SYT15B: variants seen among roughly 807,000 people sequenced by gnomAD.
The protein encoded by SYT15B is synaptotagmin-15.
chr10:47,748,566 A>G, the SYT15B span, among the ~76,000 whole-genome samples: 1 of 152,164 alleles, frequency 6.6e-6, no homozygotes. Flanking sequence ...AAAACATTAA[A>G]AGCAGCTAGA....
At chr10:47,762,250 G>A in the SYT15B span, among the ~76,000 whole-genome samples, 1 of 152,044 alleles carries the variant, frequency 6.6e-6, no homozygotes, top group Admixed American at 6.6e-5. Flanking sequence ...AGGCCCCATT[G>A]CTGCTGGCCC....
At chr10:47,755,260 CTTT>C in the SYT15B span, among the ~76,000 whole-genome samples, 1 of 140,184 alleles carries the variant, frequency 7.1e-6, no homozygotes, top group Non-Finnish European at 1.6e-5. Flanking sequence ...CAGCCAACCT[CTTT>C]TTTTTTTTTT....
chr10:47,755,632 T>TC, the SYT15B span, among the ~76,000 whole-genome samples: 2 of 126,658 alleles, frequency 1.6e-5, no homozygotes, highest in African/African-American at 6.0e-5. Context: ...CACCTCAACC[T>TC]CCCAAGTAGC....
At chr10:47,748,417 T>C in the SYT15B span, among the ~76,000 whole-genome samples, 1 of 151,656 alleles carries the variant, frequency 6.6e-6, no homozygotes, top group Admixed American at 6.6e-5. Context: ...TTCACCATGT[T>C]GGCCAGGTTG....
chr10:47,762,221 T>C, the SYT15B span, among the ~76,000 whole-genome samples: 1 of 151,790 alleles, frequency 6.6e-6, no homozygotes, highest in East Asian at 1.9e-4. Flanking sequence ...GTGGACGAGG[T>C]GGGGAGGAAG....
chr10:47,756,964 T>C, the SYT15B span, among the ~76,000 whole-genome samples: 1 of 134,668 alleles, frequency 7.4e-6, no homozygotes, highest in African/African-American at 2.8e-5. Context: ...GGGCCTGGTA[T>C]TGCGGCTGGG....
the SYT15B span, chr10:47,751,024 TAA>T: frequency 8.9e-5 from 13 of 146,596 alleles, no homozygotes; most frequent in Non-Finnish European, 1.6e-4. Flanking sequence ...TATTTGTAAT[TAA>T]AAAAATCTTT....
At chr10:47,749,673 G>GC in the SYT15B span, among the ~76,000 whole-genome samples, 1 of 118,318 alleles carries the variant, frequency 8.5e-6, no homozygotes, top group Admixed American at 1.2e-4. Context: ...ACCAATGGTA[G>GC]GGGGGGAAAC....
At chr10:47,755,279 G>A in the SYT15B span, among the ~76,000 whole-genome samples, 4 of 146,232 alleles carry the variant, frequency 2.7e-5, no homozygotes, top group Non-Finnish European at 4.5e-5. Context: ...TTTTTGAGAC[G>A]AAGTCTCGCT....
At chr10:47,749,502 C>T in the SYT15B span, among the ~76,000 whole-genome samples, 2 of 139,478 alleles carry the variant, frequency 1.4e-5, no homozygotes, top group East Asian at 4.6e-4. Flanking sequence ...AATATACATG[C>T]AAGAGTAGAA....
chr10:47,748,122 C>T, the SYT15B span, among the ~76,000 whole-genome samples: 2 of 151,856 alleles, frequency 1.3e-5, no homozygotes, highest in African/African-American at 4.8e-5. Flanking sequence ...TAAATATAGG[C>T]TGAGAACTTT....
chr10:47,749,671 TA>T, the SYT15B span, among the ~76,000 whole-genome samples: 5,321 of 146,604 alleles, frequency 0.036, 68 homozygotes, highest in African/African-American at 0.047. Context: ...AAACCAATGG[TA>T]GGGGGGGAAA....
At chr10:47,745,285 T>C in the SYT15B span, among the ~76,000 whole-genome samples, 1 of 146,050 alleles carries the variant, frequency 6.8e-6, no homozygotes, top group African/African-American at 2.5e-5. Context: ...AGAGTGGGGT[T>C]AGCACACGGT....
the SYT15B span, among the ~76,000 whole-genome samples, chr10:47,748,178 A>G: frequency 6.6e-6 from 1 of 151,358 alleles, no homozygotes; most frequent in Admixed American, 6.6e-5. Flanking sequence ...ATAAATAAAA[A>G]CAAAACTGCA....
At chr10:47,755,244 C>A in the SYT15B span, among the ~76,000 whole-genome samples, 8 of 151,042 alleles carry the variant, frequency 5.3e-5, no homozygotes, top group Admixed American at 3.9e-4. Context: ...CGTGAGCCAC[C>A]GCACCCAGCC....
At chr10:47,762,559 G>T in the SYT15B span, 1 of 364,404 alleles carries the variant, frequency 2.7e-6, no homozygotes, top group East Asian at 4.2e-5. Flanking sequence ...CCCAGCGGGG[G>T]CGGCGGGGCG....
chr10:47,759,524 CG>C, the SYT15B span: 3 of 250,860 alleles, frequency 1.2e-5, no homozygotes, highest in Admixed American at 7.0e-5. Context: ...TCAAGGGTCC[CG>C]GGGGCTGCAG....
chr10:47,748,675 G>A, the SYT15B span, among the ~76,000 whole-genome samples: 5 of 151,752 alleles, frequency 3.3e-5, no homozygotes, highest in Middle Eastern at 6.8e-3. Context: ...CTTTTGTAGA[G>A]GGGGGGGATC....
At chr10:47,755,806 C>G in the SYT15B span, among the ~76,000 whole-genome samples, 1 of 142,252 alleles carries the variant, frequency 7.0e-6, no homozygotes, top group East Asian at 2.1e-4. Context: ...GCCAGCATGC[C>G]CGGCTGCTTA....
Sources: allele counts gnomAD v4.1 joint callset (sites outside exome capture counted in the v4.1 genomes callset), GRCh38; gene constraint gnomAD v4.1.1; transcripts MANE v1.5; gene names NCBI Gene and HGNC (gene_info 2026-07-23, HGNC 2026-07-21).